RAPH1: variants seen among roughly 807,000 people sequenced by gnomAD.
The protein encoded by RAPH1 is ras-associated and pleckstrin homology domains-containing protein 1.
A neutral mutation model predicts 88.1 loss-of-function variants in RAPH1; 18 were observed. The ratio of observed to expected loss-of-function variants is 0.20; its 90% CI spans 0.14 to 0.30. The LOEUF (loss-of-function observed/expected upper bound fraction) is 0.30. RAPH1 is among the 10% of genes least tolerant of loss of function. The probability of loss-of-function intolerance (pLI) is 1.00; values close to 1 mark genes in which losing one functional copy is unlikely to be tolerated. For missense variants in RAPH1, 1,448 were observed against 1,543.2 expected (o/e 0.94, Z 1.03); for synonymous variants, 587 against 559.0 (o/e 1.05, Z -0.71).
intron 10 of RAPH1, among the ~76,000 whole-genome samples, chr2:203,451,768 GCCTTACCTCTCA>G (rs1350582462): frequency 6.6e-6 from 1 of 152,206 alleles, no homozygotes; most frequent in Non-Finnish European, 1.5e-5. Flanking sequence ...TCCTGGCAGA[GCCTTACCTCTCA>G]CCTATATCCC....
At chr2:203,508,008 C>G (rs1480577520) in intron 1 of RAPH1, among the ~76,000 whole-genome samples, 1 of 150,980 alleles carries the variant, frequency 6.6e-6, no homozygotes, top group Non-Finnish European at 1.5e-5. Context: ...GTCAGGAGAT[C>G]AAGACCATCC....
At chr2:203,502,229 C>G (rs1266912441) in intron 1 of RAPH1, among the ~76,000 whole-genome samples, 1 of 152,176 alleles carries the variant, frequency 6.6e-6, no homozygotes, top group African/African-American at 2.4e-5. Context: ...CAGATGGAAC[C>G]AAACCTTCCT....
At chr2:203,519,831 G>A (rs796643511) in intron 1 of RAPH1, among the ~76,000 whole-genome samples, 9 of 152,300 alleles carry the variant, frequency 5.9e-5, no homozygotes, top group African/African-American at 2.2e-4. Flanking sequence ...GTCACAACAT[G>A]GGAGCTAATG....
Position 203,439,385 on chromosome 2 carries a change from A to T in RAPH1, c.*52T>A, listed in dbSNP as rs1287388696. 1 of 1,538,056 alleles carries T rather than the reference A, an allele frequency of 6.5e-7. No homozygotes were observed. The highest frequency in any genetic ancestry group is 1.7e-5 in the Admixed American group (1 of 58,092). ...ACCTGAATTCACAGATGATCAGGTG[A>T]GCTGATTGTAGCAGTGATTACAGAT... On this transcript the variant is annotated 3_prime_UTR_variant, in exon 14 of 14. Coordinates refer to ENST00000319170, the MANE Select transcript of RAPH1 (RefSeq NM_213589.3).
rs1401942884 is a variant in RAPH1, at chr2:203,437,581, ATATT to A, written c.*1852_*1855del. On this transcript the variant is annotated 3_prime_UTR_variant, in exon 14 of 14. Coordinates refer to ENST00000319170, the MANE Select transcript of RAPH1 (RefSeq NM_213589.3). Reference sequence around the variant, plus strand: ...TGAAAGACCTAAAAATTAATGGTATATATTCTTATTGCTCCATAACCACATGAAC... The same window carrying A: ...TGAAAGACCTAAAAATTAATGGTATACTTATTGCTCCATAACCACATGAAC... The A allele has an allele frequency of 3.3e-5, 5 of 152,354 alleles. No homozygotes were observed. The highest frequency in any genetic ancestry group is 1.2e-4 in the African/African-American group (5 of 41,464). The allele number at this position is 152,354 out of a possible 1,614,324, so 9.4% of individuals were successfully genotyped here. A position where few individuals can be genotyped will look rare whatever the true frequency, so the allele number is the denominator to read the frequency against.
At chr2:203,506,780 CTAGATATA>C (rs1559494303) in intron 1 of RAPH1, among the ~76,000 whole-genome samples, 4 of 77,688 alleles carry the variant, frequency 5.1e-5, no homozygotes, top group Admixed American at 1.5e-4. Flanking sequence ...CTATATATAT[CTAGATATA>C]TATATCTATA....
intron 13 of RAPH1, chr2:203,441,788 G>A: frequency 3.9e-6 from 5 of 1,281,954 alleles, no homozygotes; most frequent in Non-Finnish European, 3.9e-6. Context: ...CTGAGCACTG[G>A]ACTTCCAAGG....
chr2:203,442,184 T>C, intron 13 of RAPH1: 1 of 1,189,756 alleles, frequency 8.4e-7, no homozygotes, highest in Non-Finnish European at 1.1e-6. Flanking sequence ...TCTGGAAGGC[T>C]AGAATAAAGA....
chr2:203,479,341 C>G (rs1235096745), intron 4 of RAPH1, among the ~76,000 whole-genome samples: 2 of 152,162 alleles, frequency 1.3e-5, no homozygotes, highest in African/African-American at 4.8e-5. Flanking sequence ...CGGTGGCTCA[C>G]GCCTGTAATC....
chr2:203,499,628 G>T (rs528573005), intron 1 of RAPH1, among the ~76,000 whole-genome samples: 1 of 152,102 alleles, frequency 6.6e-6, no homozygotes, highest in East Asian at 1.9e-4. Context: ...CAGGAGAATC[G>T]CTGGAACCCA....
intron 6 of RAPH1, among the ~76,000 whole-genome samples, chr2:203,460,352 TTC>T (rs1216324111): frequency 2.0e-5 from 3 of 152,210 alleles, no homozygotes; most frequent in Non-Finnish European, 4.4e-5. Flanking sequence ...TCTTATAAGT[TTC>T]GATATCAAGT....
intron 1 of RAPH1, among the ~76,000 whole-genome samples, chr2:203,506,997 A>G (rs1689118866): frequency 6.8e-6 from 1 of 148,058 alleles, no homozygotes; most frequent in South Asian, 2.1e-4. Context: ...CCCAGGTTCA[A>G]GCGATTCTCC....
intron 2 of RAPH1, among the ~76,000 whole-genome samples, chr2:203,492,048 A>G (rs1224585700): frequency 6.6e-6 from 1 of 152,038 alleles, no homozygotes; most frequent in African/African-American, 2.4e-5. Context: ...AACTTGGCCA[A>G]CGGGGCGAAA....
intron 4 of RAPH1, among the ~76,000 whole-genome samples, chr2:203,473,815 G>T (rs1258580233): frequency 6.6e-6 from 1 of 152,136 alleles, no homozygotes; most frequent in East Asian, 1.9e-4. Context: ...TAGACACAAA[G>T]TCAAGGGCTT....
intron 12 of RAPH1, 100 bp downstream of exon 12, chr2:203,447,859 G>C: frequency 6.3e-6 from 8 of 1,262,844 alleles, no homozygotes; most frequent in Non-Finnish European, 8.8e-6. Flanking sequence ...GTATGGCTCC[G>C]GTTTTTAAGA....
At chr2:203,444,624 T>G (rs536019819) in intron 13 of RAPH1, 33 of 419,526 alleles carry the variant, frequency 7.9e-5, no homozygotes, top group African/African-American at 6.1e-4. Flanking sequence ...CTGCCAGTTT[T>G]TTTTGTTTTT....
Position 203,491,407 on chromosome 2 carries a change from C to A in RAPH1, c.121-88G>T, listed in dbSNP as rs1688261855. 4 of 794,304 alleles carry A rather than the reference C, an allele frequency of 5.0e-6. No individual in the cohort carries two copies. The Admixed American group carries it at 1.0e-4, about 21-fold the overall frequency. 49.2% of individuals were successfully genotyped at this position (794,304 alleles called of 1,614,324 possible). A position where few individuals can be genotyped will look rare whatever the true frequency, so the allele number is the denominator to read the frequency against. On this transcript the variant is annotated intron_variant, in intron 2 of 13. Coordinates refer to ENST00000319170, the MANE Select transcript of RAPH1 (RefSeq NM_213589.3). ...GAAGTTTGTTTTATGATTAAGTGAA[C>A]TGCCACACTATAATTAATTAAACCA... is the stretch of plus-strand genomic sequence containing the variant.
In RAPH1 at chr2:203,519,699, T is replaced by C. The variant is rs1689779008; in HGVS notation, c.-1+15412A>G. On this transcript the variant is annotated intron_variant, in intron 1 of 13. Transcript: ENST00000319170. Reference sequence around the variant, plus strand: ...TAAAATAAAAACCCAACCATGATATTTTTACTCAAGTATCCATGATTACCA... The same window carrying C: ...TAAAATAAAAACCCAACCATGATATCTTTACTCAAGTATCCATGATTACCA... Among the ~76,000 whole-genome samples, 3 of 152,226 alleles carry C rather than the reference T, an allele frequency of 2.0e-5. No individual in the cohort carries two copies. The South Asian group carries it at 6.2e-4, about 32-fold the overall frequency.
At chr2:203,506,171 AG>A (rs757045587) in intron 1 of RAPH1, among the ~76,000 whole-genome samples, 10 of 152,350 alleles carry the variant, frequency 6.6e-5, no homozygotes, top group Middle Eastern at 6.8e-3. Flanking sequence ...CGTAGCCTAT[AG>A]CTTGGAAGTC....
Sources: allele counts gnomAD v4.1 joint callset (sites outside exome capture counted in the v4.1 genomes callset), GRCh38; gene constraint gnomAD v4.1.1; transcripts MANE v1.5; gene names NCBI Gene and HGNC (gene_info 2026-07-23, HGNC 2026-07-21).